Variants in PCDH19 observed in about 807,000 individuals in gnomAD.
PCDH19 encodes protocadherin-19.
Under a neutral mutation model 46.2 loss-of-function variants are expected in PCDH19, and 6 were observed. That is an observed-to-expected ratio of 0.13 (90% confidence interval 0.07 to 0.26). The LOEUF (loss-of-function observed/expected upper bound fraction) is 0.26, where lower values mean the gene tolerates loss of function less well. Ranked by LOEUF, PCDH19 falls within the 10% of genes least tolerant of loss-of-function variation. The probability of loss-of-function intolerance (pLI) is 1.00; values close to 1 mark genes in which losing one functional copy is unlikely to be tolerated. For synonymous variants in PCDH19, 481 were observed against 415.7 expected (o/e 1.16, Z -1.91); for missense variants, 740 against 972.3 (o/e 0.76, Z 3.18).
intron 3 of PCDH19, among the ~76,000 whole-genome samples, chrX:100,382,172 AC>A (rs935375906): frequency 9.0e-6 from 1 of 110,923 alleles, no homozygotes; most frequent in Non-Finnish European, 1.9e-5. Flanking sequence ...CAGAGTTCAC[AC>A]ATTTCACATT....
intron 5 of PCDH19, among the ~76,000 whole-genome samples, chrX:100,318,476 G>T (rs899356752): frequency 8.9e-6 from 1 of 112,229 alleles, no homozygotes; most frequent in Non-Finnish European, 1.9e-5. Context: ...CTATTGGTGG[G>T]ATATAAAGGA....
At chrX:100,393,335 TATC>T in intron 3 of PCDH19, among the ~76,000 whole-genome samples, 2 of 110,787 alleles carry the variant, frequency 1.8e-5, no homozygotes, top group Admixed American at 1.9e-4. Context: ...GAGGACCTAA[TATC>T]ATAGACATGT....
At position 100,296,314 on chromosome X, in the gene PCDH19, G is replaced by A; in HGVS notation, c.3410C>T (p.Ser1137Phe). The change falls in exon 6 of 6, where the codon TCC becomes TTC. Residue 1137 changes from serine (S) to phenylalanine (F), a missense_variant. Ser to Phe is a radical substitution (Grantham distance 155, BLOSUM62 -2). Around this residue, in one of 5 missense-constraint regions of PCDH19, gnomAD observed 416 missense variants for 476.8 expected, o/e 0.87. Transcript: ENST00000373034. Reference protein sequence around the residue: ...PILKEGRNKESPGVKRLKDIV... With the variant: ...PILKEGRNKEFPGVKRLKDIV... ...ATCCTTCAGACGCTTCACACCAGGG[G>A]ACTCTTTGTTGCGACCTTCCTTCAG... 8.3e-7 allele frequency: 1 copy of A among 1,210,796 alleles called. No homozygotes were observed. Among genetic ancestry groups the A allele is most frequent in the Non-Finnish European group, 1.1e-6 (1 of 894,614 alleles).
At chrX:100,377,414 C>A (rs58085170) in intron 3 of PCDH19, among the ~76,000 whole-genome samples, 5,250 of 111,919 alleles carry the variant, frequency 0.047, 284 homozygotes, top group African/African-American at 0.16. Context: ...TTAACCTTCA[C>A]GCACATAATT....
At position 100,296,287 on chromosome X, in the gene PCDH19, A is replaced by G. The variant is rs186554435; in HGVS notation, c.3437T>C (p.Ile1146Thr). The G allele has an allele frequency of 5.1e-5, 61 of 1,204,443 alleles. No homozygotes were observed. Among genetic ancestry groups the G allele is most frequent in the African/African-American group, 1.7e-4 (10 of 57,160 alleles). ...TTCCTGGAGACTGGTTTAGAGAACGATATCCTTCAGACGCTTCACACCAGG... is the reference window on the plus strand; with the variant it reads ...TTCCTGGAGACTGGTTTAGAGAACGGTATCCTTCAGACGCTTCACACCAGG... ...ESPGVKRLKDIVL is the reference protein window; with the variant it reads ...ESPGVKRLKDTVL Residue 1146 changes from isoleucine (I) to threonine (T), a missense_variant, in exon 6 of 6, where the codon ATC becomes ACC. Ile to Thr is a moderately conservative substitution (Grantham distance 89). Around this residue, in one of 5 missense-constraint regions of PCDH19, gnomAD observed 416 missense variants for 476.8 expected, o/e 0.87. Coordinates refer to ENST00000373034, the MANE Select transcript of PCDH19 (RefSeq NM_001184880.2).
rs1224269031 is a variant in PCDH19 at position 100,296,589 on chromosome X, G to T, written c.3135C>A (p.Ser1045Arg). 8.3e-7 allele frequency: 1 copy of T among 1,211,510 alleles called. No individual in the cohort carries two copies. Among genetic ancestry groups the T allele is most frequent in the East Asian group, 3.0e-5 (1 of 33,824 alleles). ...GKRTVDVTIC[S>R]PKVNSVIREA... ...CCCGGATAACGCTGTTGACCTTGGG[G>T]CTGCAGATGGTCACATCGACAGTCC... The change falls in exon 6 of 6, where the codon AGC (serine) becomes AGA (arginine). Residue 1045 changes from serine (S) to arginine (R), a missense_variant. By Grantham distance (110) the Ser-to-Arg change is moderately radical. Transcript: ENST00000373034.
intron 5 of PCDH19, among the ~76,000 whole-genome samples, chrX:100,302,914 G>A (rs1442770943): frequency 3.6e-5 from 4 of 111,391 alleles, no homozygotes; most frequent in African/African-American, 1.3e-4. Flanking sequence ...ATTGGTCAAC[G>A]CCCCAGATAC....
Position 100,403,518 on chromosome X carries a change from T to C in PCDH19, c.2288+6A>G, listed in dbSNP as rs948910239. 1.7e-6 allele frequency: 2 copies of C among 1,207,837 alleles called. No individual in the cohort carries two copies. Among genetic ancestry groups the C allele is most frequent in the African/African-American group, 3.5e-5 (2 of 57,647 alleles). On this transcript the variant is annotated splice_donor_region_variant and intron_variant, in intron 2 of 5. Coordinates refer to ENST00000373034, the MANE Select transcript of PCDH19 (RefSeq NM_001184880.2). ...CCCATTTAAATGAGGGGAAATGCCTTTTTACCTCTTTCCCCTTAGGCTCAC... is the reference window on the plus strand; with the variant it reads ...CCCATTTAAATGAGGGGAAATGCCTCTTTACCTCTTTCCCCTTAGGCTCAC...
At chrX:100,381,559 A>G (rs1477101550) in intron 3 of PCDH19, among the ~76,000 whole-genome samples, 1 of 111,880 alleles carries the variant, frequency 8.9e-6, no homozygotes, top group Admixed American at 9.5e-5. Flanking sequence ...CCCATGGAAC[A>G]TTTTAGGTAG....
chrX:100,325,369 CTTTT>C (rs72174481), intron 5 of PCDH19, among the ~76,000 whole-genome samples: 3 of 81,409 alleles, frequency 3.7e-5, no homozygotes, highest in Non-Finnish European at 2.3e-5. Context: ...CTATAATGAT[CTTTT>C]TTTTTTTTTT....
Position 100,402,716 on chromosome X carries a change from G to C in PCDH19, c.2424C>G (p.Thr808=). 8.3e-7 allele frequency: 1 copy of C among 1,210,936 alleles called. No homozygotes were observed. Among genetic ancestry groups the C allele is most frequent in the East Asian group, 3.0e-5 (1 of 33,814 alleles). The part of the protein sequence containing the change: ...KMNVVSCSSL[T]SSLNYFDYHQ... The stretch of plus-strand genomic sequence containing the variant: ...GGTAGTCAAAATAGTTGAGGGAGGA[G>C]GTCAGGGAAGAGCAACTGACAACGT... Residue 808 remains threonine, a synonymous_variant, in exon 3 of 6, where the codon ACC becomes ACG. Coordinates refer to ENST00000373034, the MANE Select transcript of PCDH19 (RefSeq NM_001184880.2).
intron 3 of PCDH19, among the ~76,000 whole-genome samples, chrX:100,375,732 C>T (rs1455332180): frequency 1.8e-5 from 2 of 111,577 alleles, no homozygotes; most frequent in Non-Finnish European, 3.8e-5. Flanking sequence ...AGACAAGCCT[C>T]GGAAAAGAAA....
At position 100,346,588 on chromosome X, in the gene PCDH19, A is replaced by ATTT. The variant is rs1926407835; in HGVS notation, c.2675+4057_2675+4058insAAA. On this transcript the variant is annotated intron_variant, in intron 4 of 5. Transcript: ENST00000373034. ...TCTAGTGCTAGTCTTTAATAGAAAA[A>ATTT]TGCTAAGATTTTCTTCCATTTCTCT... 5.4e-5 allele frequency among the ~76,000 whole-genome samples: 6 copies of ATTT among 112,064 alleles called. No individual in the cohort carries two copies. The East Asian group carries it at 1.7e-3, about 32-fold the overall frequency.
In PCDH19 at chrX:100,342,030, A is replaced by G. The variant is rs376946966; in HGVS notation, c.2721T>C (p.Ser907=). ...KDLEGNSLKD[S]GHEESDQTDS... is the part of the protein sequence containing the mutation. ...CAGTTTGGTCACTCTCCTCATGTCC[A>G]CTATCCTTCAGGCTGTTGCCCTCTA... The change falls in exon 5 of 6, where the codon AGT becomes AGC. Residue 907 remains serine (S), a synonymous_variant. Transcript: ENST00000373034. The G allele has an allele frequency of 3.9e-5, 47 of 1,208,641 alleles. No individual in the cohort carries two copies. The highest frequency in any genetic ancestry group is 5.1e-5 in the Non-Finnish European group (46 of 894,092).
chrX:100,383,000 C>A (rs1031017094), intron 3 of PCDH19, among the ~76,000 whole-genome samples: 1 of 112,598 alleles, frequency 8.9e-6, no homozygotes, highest in Non-Finnish European at 1.9e-5. Context: ...AGAATAGAGG[C>A]AAATGAAAGT....
At chrX:100,362,602 G>A in intron 3 of PCDH19, among the ~76,000 whole-genome samples, 1 of 106,957 alleles carries the variant, frequency 9.3e-6, no homozygotes, top group Non-Finnish European at 1.9e-5. Context: ...GACCATCCTG[G>A]CTAATACGGT....
chrX:100,388,659 A>G (rs1569309147), intron 3 of PCDH19, among the ~76,000 whole-genome samples: 1 of 110,970 alleles, frequency 9.0e-6, no homozygotes, highest in Non-Finnish European at 1.9e-5. Context: ...AATTGCCCCC[A>G]GGAAAGATTA....
Position 100,409,855 on chromosome X carries a change from T to C in PCDH19, c.-1258A>G. 6.7e-6 allele frequency: 2 copies of C among 296,356 alleles called. No individual in the cohort carries two copies. The highest frequency in any genetic ancestry group is 1.2e-5 in the Non-Finnish European group (2 of 171,080). The allele number at this position is 296,356 out of a possible 1,213,427, so 24.4% of individuals were successfully genotyped here. A position where few individuals can be genotyped will look rare whatever the true frequency, so the allele number is the denominator to read the frequency against. On this transcript the variant is annotated 5_prime_UTR_variant, in exon 1 of 6. Coordinates refer to ENST00000373034, the MANE Select transcript of PCDH19 (RefSeq NM_001184880.2). ...CTTGCAGGAGCGTCTTGATTTCATC[T>C]TCCCGGAGAGGCGCTGGCCGCGCTG...
intron 5 of PCDH19, among the ~76,000 whole-genome samples, chrX:100,312,497 T>A (rs970054378): frequency 1.3e-4 from 15 of 112,000 alleles, no homozygotes; most frequent in Non-Finnish European, 2.8e-4. Flanking sequence ...TTACTTTGAA[T>A]GATTCTTTTT....
Sources: allele counts gnomAD v4.1 joint callset (sites outside exome capture counted in the v4.1 genomes callset), GRCh38; gene constraint gnomAD v4.1.1; regional missense constraint gnomAD v4.1.1; transcripts MANE v1.5; gene names NCBI Gene and HGNC (gene_info 2026-07-23, HGNC 2026-07-21).